PCNX2: variants seen among roughly 807,000 people sequenced by gnomAD.
PCNX2 encodes the protein pecanex-like protein 2.
PCNX2 carries 168 observed loss-of-function variants against 223.8 expected under a neutral mutation model. The observed-to-expected ratio is 0.75, with a 90% confidence interval of 0.66 to 0.85. The LOEUF is 0.85. PCNX2 is among the 40% of genes least tolerant of loss of function. The pLI is 0.00. For missense variants in PCNX2, 2,507 were observed against 2,675.5 expected (o/e 0.94, Z 1.39); for synonymous variants, 1,006 against 1,052.6 (o/e 0.96, Z 0.86).
chr1:233,172,451 T>C, intron 17 of PCNX2: 1 of 985,442 alleles, frequency 1.0e-6, no homozygotes, highest in Non-Finnish European at 1.2e-6. Context: ...AAGGATTCTC[T>C]TATTCTGCTC....
intron 21 of PCNX2, among the ~76,000 whole-genome samples, chr1:233,119,403 CAAAAAAA>C (rs71173251): frequency 3.7e-3 from 141 of 38,612 alleles, no homozygotes; most frequent in East Asian, 0.035. Context: ...ACTAAAAATA[CAAAAAAA>C]AAAAAAAAAA....
Position 233,263,080 on chromosome 1 carries a change from A to G in PCNX2, c.237T>C (p.Tyr79=), listed in dbSNP as rs771929329. The change falls in exon 2 of 34, where the codon TAT becomes TAC. Residue 79 remains tyrosine, a synonymous_variant. Transcript: ENST00000258229. ...IFFTIIKLVS[Y]RLHLMFDKGE... ...CTTTGTCAAACATGAGGTGTAGGCG[A>G]TAACTGACCAGTTTGATTATTGTGA... The G allele has an allele frequency of 2.5e-6, 4 of 1,613,508 alleles. No individual in the cohort carries two copies. The Admixed American group carries it at 6.7e-5, about 27-fold the overall frequency.
rs1660141427 is a variant in PCNX2, at chr1:233,263,068, G to A, written c.249C>T (p.Leu83=). 7.4e-6 allele frequency: 12 copies of A among 1,613,508 alleles called. No individual in the cohort carries two copies. The highest frequency in any genetic ancestry group is 1.0e-5 in the Non-Finnish European group (12 of 1,179,728). ...GAATTACTTCTCCTTTGTCAAACAT[G>A]AGGTGTAGGCGATAACTGACCAGTT... ...IIKLVSYRLH[L]MFDKGEVIQQ... The change falls in exon 2 of 34, where the codon CTC becomes CTT. Residue 83 remains leucine (L), a synonymous_variant. Coordinates refer to ENST00000258229, the MANE Select transcript of PCNX2 (RefSeq NM_014801.4).
At chr1:233,029,736 T>G (rs1671201337) in intron 25 of PCNX2, among the ~76,000 whole-genome samples, 2 of 152,358 alleles carry the variant, frequency 1.3e-5, no homozygotes, top group East Asian at 1.9e-4. Flanking sequence ...GTTTTCTGGC[T>G]TGTATGATTT....
chr1:233,001,418 G>A lies in PCNX2; in HGVS notation c.5097+119C>T, dbSNP rs1206389270. The A allele has an allele frequency of 1.7e-5, 9 of 541,910 alleles. No homozygotes were observed. The highest frequency in any genetic ancestry group is 4.1e-5 in the African/African-American group (2 of 48,560). The allele number at this position is 541,910 out of a possible 1,614,324, so 33.6% of individuals were successfully genotyped here. ...CGCTTGAACCCGGGAGGTGGAGGTTGTGGTGAGCCGAGATTGTGCCATTGC... is the reference window on the plus strand; with the variant it reads ...CGCTTGAACCCGGGAGGTGGAGGTTATGGTGAGCCGAGATTGTGCCATTGC... On this transcript the variant is annotated intron_variant, in intron 29 of 33. Coordinates refer to ENST00000258229, the MANE Select transcript of PCNX2 (RefSeq NM_014801.4). This position sits in a 1 kb window ranked among gnomAD's most constrained non-coding sequence, Gnocchi z 4.2.
intron 25 of PCNX2, among the ~76,000 whole-genome samples, chr1:233,036,861 A>G (rs1289028437): frequency 2.0e-5 from 3 of 152,194 alleles, no homozygotes; most frequent in Non-Finnish European, 4.4e-5. Flanking sequence ...AAGGAATTTA[A>G]GGGACAATCC....
chr1:233,112,093 A>C (rs1675149438), intron 21 of PCNX2, among the ~76,000 whole-genome samples: 1 of 152,216 alleles, frequency 6.6e-6, no homozygotes, highest in South Asian at 2.1e-4. Context: ...TCTTCACCTA[A>C]GGTAGAAACA....
chr1:233,000,564 G>C lies in PCNX2; in HGVS notation c.5098-29C>G, dbSNP rs969538760. ...GTGGGAAGAAGTGTGGGTGTGGGCTGGGCAAGGACCAGAGGAACTCACCCC... is the reference window on the plus strand; with the variant it reads ...GTGGGAAGAAGTGTGGGTGTGGGCTCGGCAAGGACCAGAGGAACTCACCCC... On this transcript the variant is annotated intron_variant, in intron 29 of 33. Coordinates refer to ENST00000258229, the MANE Select transcript of PCNX2 (RefSeq NM_014801.4). This position sits in a 1 kb window ranked among gnomAD's most constrained non-coding sequence, Gnocchi z 4.6. 6.5e-7 allele frequency: 1 copy of C among 1,544,100 alleles called. No homozygotes were observed. Among genetic ancestry groups the C allele is most frequent in the East Asian group, 2.4e-5 (1 of 41,832 alleles).
intron 19 of PCNX2, among the ~76,000 whole-genome samples, chr1:233,140,401 G>C (rs1677036967): frequency 6.6e-6 from 1 of 152,180 alleles, no homozygotes; most frequent in African/African-American, 2.4e-5. Flanking sequence ...TACAACAAAG[G>C]AAGTACCACA....
chr1:233,204,401 C>A (rs927481017), intron 13 of PCNX2, among the ~76,000 whole-genome samples: 4 of 152,158 alleles, frequency 2.6e-5, no homozygotes, highest in Non-Finnish European at 2.9e-5. Context: ...TTTGTTACAG[C>A]GGCTCTAGGA....
At chr1:233,084,979 G>T (rs188322071) in intron 23 of PCNX2, among the ~76,000 whole-genome samples, 2 of 152,308 alleles carry the variant, frequency 1.3e-5, no homozygotes, top group Admixed American at 1.3e-4. Flanking sequence ...CCCAGCAAAC[G>T]TGAAGCCAGA....
At chr1:233,095,894 G>C in intron 21 of PCNX2, 31 bp from the exon 22 acceptor site, 1 of 1,486,542 alleles carries the variant, frequency 6.7e-7, no homozygotes, top group African/African-American at 1.4e-5. Flanking sequence ...ATTCATCAGA[G>C]AGGACAATGA....
At chr1:233,273,003 G>A (rs1240104853) in intron 1 of PCNX2, among the ~76,000 whole-genome samples, 1 of 151,886 alleles carries the variant, frequency 6.6e-6, no homozygotes, top group Non-Finnish European at 1.5e-5. Context: ...GGGAAAGAGT[G>A]GGAGGAGGGT....
Position 233,025,330 on chromosome 1 carries a change from C to A in PCNX2, c.4421G>T (p.Cys1474Phe). ...EGDEEDRGCCCCKPGHLPHLL... is the reference protein window; with the variant it reads ...EGDEEDRGCCFCKPGHLPHLL... ...GTGAGGCAAGTGGCCTGGTTTGCAGCAGCAGCAGCCTCTGTCCTCCTCGTC... is the reference window on the plus strand; with the variant it reads ...GTGAGGCAAGTGGCCTGGTTTGCAGAAGCAGCAGCCTCTGTCCTCCTCGTC... Residue 1474 changes from cysteine (C) to phenylalanine (F), a missense_variant, in exon 26 of 34, where the codon TGC (cysteine) becomes TTC (phenylalanine). Transcript: ENST00000258229. 6.2e-7 allele frequency: 1 copy of A among 1,614,018 alleles called. No individual in the cohort carries two copies. The highest frequency in any genetic ancestry group is 1.1e-5 in the South Asian group (1 of 91,084).
intron 27 of PCNX2, among the ~76,000 whole-genome samples, 182 bp from the exon 28 acceptor site, chr1:233,014,959 A>G (rs370428244): frequency 8.7e-4 from 133 of 152,284 alleles, no homozygotes; most frequent in African/African-American, 3.1e-3. Flanking sequence ...GTGGTTGGAC[A>G]CGGAAAAAAA....
chr1:232,993,657 A>G (rs1388389547), intron 32 of PCNX2, among the ~76,000 whole-genome samples: 1 of 152,078 alleles, frequency 6.6e-6, no homozygotes, highest in Non-Finnish European at 1.5e-5. Context: ...GACAATGGGG[A>G]AAATGTCTCC....
At chr1:233,325,772 T>C in the PCNX2 span, among the ~76,000 whole-genome samples, 1 of 152,184 alleles carries the variant, frequency 6.6e-6, no homozygotes, top group Admixed American at 6.5e-5. Flanking sequence ...TATGAACATT[T>C]TGAAACGACA....
chr1:233,154,224 G>A (rs897314365), intron 19 of PCNX2, among the ~76,000 whole-genome samples: 43 of 152,102 alleles, frequency 2.8e-4, no homozygotes, highest in East Asian at 2.3e-3. Context: ...GACTACAGGC[G>A]TGCAACACCA....
At chr1:233,128,112 A>C (rs1676208392) in intron 21 of PCNX2, among the ~76,000 whole-genome samples, 1 of 152,210 alleles carries the variant, frequency 6.6e-6, no homozygotes, top group Non-Finnish European at 1.5e-5. Context: ...GCGATCATTC[A>C]TACAGCTTTA....
Sources: gnomAD v4.1 joint callset for allele counts (sites outside exome capture counted in the v4.1 genomes callset) on GRCh38, gnomAD v4.1.1 for gene constraint, Gnocchi (gnomAD v3.1) non-coding constraint, MANE v1.5 for transcripts, NCBI Gene and HGNC (gene_info 2026-07-23, HGNC 2026-07-21) for gene names.